Variants in BANK1 observed in about 807,000 individuals in gnomAD.
The protein encoded by BANK1 is B-cell scaffold protein with ankyrin repeats.
In BANK1, 95 loss-of-function variants were observed where a neutral mutation model predicts 94.5. The ratio of observed to expected loss-of-function variants is 1.00; its 90% CI spans 0.85 to 1.19. BANK1 has a LOEUF of 1.19. Among genes scored for constraint, BANK1 ranks in the 50% most tolerant of loss-of-function variants. The pLI, the probability that BANK1 is intolerant of heterozygous loss-of-function variation, is 0.00. For synonymous variants in BANK1, 334 were observed against 308.4 expected, an observed-to-expected ratio of 1.08 and a Z score of -0.87; for missense variants, 987 against 932.2, an observed-to-expected ratio of 1.06 and a Z score of -0.77.
chr4:101,946,061 A>G (rs1014446467), intron 7 of BANK1, among the ~76,000 whole-genome samples: 3 of 152,038 alleles, frequency 2.0e-5, no homozygotes, highest in Admixed American at 6.6e-5. Flanking sequence ...ACGAATAAGA[A>G]TAAGTAAACT....
rs569431493 is a variant in BANK1 at position 101,800,683 on chromosome 4, A to T, written c.70+9733A>T. On this transcript the variant is annotated intron_variant, in intron 1 of 16. Coordinates refer to ENST00000322953, the MANE Select transcript of BANK1 (RefSeq NM_017935.5). ...ACTGACTATTGCTAGATAAAAACAC[A>T]TTCAAACAGGTTGGTAATATAAATT... Among the ~76,000 whole-genome samples, 70 of 152,350 alleles carry T rather than the reference A, an allele frequency of 4.6e-4. 1 individual carries two copies. The highest frequency in any genetic ancestry group is 1.7e-3 in the African/African-American group (69 of 41,590).
intron 7 of BANK1, among the ~76,000 whole-genome samples, chr4:101,976,405 T>A (rs912942717): frequency 2.6e-5 from 4 of 152,096 alleles, no homozygotes; most frequent in South Asian, 2.1e-4. Flanking sequence ...ACAAAAATAA[T>A]ACACAAAAAG....
chr4:101,868,447 A>G (rs554829623), intron 4 of BANK1, among the ~76,000 whole-genome samples: 52 of 152,110 alleles, frequency 3.4e-4, no homozygotes, highest in African/African-American at 1.1e-3. Context: ...TATGCACTTA[A>G]CAACAGAGTG....
Position 101,847,756 on chromosome 4 carries a change from C to CAT in BANK1, c.470-7278_470-7277insTA, listed in dbSNP as rs1385964583. Among the ~76,000 whole-genome samples the CAT allele has an allele frequency of 1.5e-4, 22 of 151,708 alleles. No homozygotes were observed. The South Asian group carries it at 1.7e-3, about 11-fold the overall frequency. ...CATCATACACACACACACACACACACACACACACACACACACACATATGTC... is the reference window on the plus strand; with the variant it reads ...CATCATACACACACACACACACACACATACACACACACACACACACATATGTC... On this transcript the variant is annotated intron_variant, in intron 2 of 16. Transcript: ENST00000322953.
rs192520565 is a variant in BANK1, at chr4:101,835,059, C to A, written c.469+4853C>A. On this transcript the variant is annotated intron_variant, in intron 2 of 16. Transcript: ENST00000322953. Reference sequence around the variant, plus strand: ...TAACACAAATCCAGCTGTATTTACTCTTTTCTGTGTGTTTTATAATCGTTT... The same window carrying A: ...TAACACAAATCCAGCTGTATTTACTATTTTCTGTGTGTTTTATAATCGTTT... 7.8e-4 allele frequency among the ~76,000 whole-genome samples: 119 copies of A among 152,266 alleles called. No individual in the cohort carries two copies. The East Asian group carries it at 9.3e-3, about 12-fold the overall frequency.
intron 11 of BANK1, among the ~76,000 whole-genome samples, chr4:102,056,875 G>A (rs941469005): frequency 2.0e-5 from 3 of 151,944 alleles, no homozygotes; most frequent in Non-Finnish European, 2.9e-5. Flanking sequence ...TTATGGTGGC[G>A]CACGCCTGTA....
chr4:102,064,546 CATATT>C (rs1310287880), intron 13 of BANK1, among the ~76,000 whole-genome samples: 1 of 152,082 alleles, frequency 6.6e-6, no homozygotes, highest in African/African-American at 2.4e-5. Context: ...TTAAAGGACA[CATATT>C]AAGTGAGAAG....
intron 5 of BANK1, among the ~76,000 whole-genome samples, chr4:101,891,772 G>A (rs1253417466): frequency 6.6e-6 from 1 of 151,994 alleles, no homozygotes; most frequent in Non-Finnish European, 1.5e-5. Context: ...TCACTGTTAA[G>A]CCTACCCAGT....
At chr4:102,044,745 C>T (rs1382636383) in intron 11 of BANK1, among the ~76,000 whole-genome samples, 1 of 80,176 alleles carries the variant, frequency 1.2e-5, no homozygotes, top group Non-Finnish European at 2.5e-5. Context: ...GAGATGGTAT[C>T]TCATTGTGGT....
At chr4:101,926,452 C>T (rs1248565410) in intron 7 of BANK1, among the ~76,000 whole-genome samples, 2 of 151,752 alleles carry the variant, frequency 1.3e-5, no homozygotes, top group African/African-American at 2.4e-5. Context: ...AATCAACTCT[C>T]GCTTAAGCCA....
intron 11 of BANK1, among the ~76,000 whole-genome samples, chr4:102,059,362 C>T (rs1728338289): frequency 6.6e-6 from 1 of 152,168 alleles, no homozygotes; most frequent in African/African-American, 2.4e-5. Flanking sequence ...GTATGTTGCA[C>T]TTAATGGAAA....
At chr4:101,995,253 T>C (rs886381648) in intron 7 of BANK1, among the ~76,000 whole-genome samples, 9 of 152,206 alleles carry the variant, frequency 5.9e-5, no homozygotes. Context: ...ACTTCACCTA[T>C]GTCCCTGCAA....
intron 7 of BANK1, among the ~76,000 whole-genome samples, chr4:101,962,104 A>G (rs1456235444): frequency 6.6e-6 from 1 of 152,154 alleles, no homozygotes; most frequent in African/African-American, 2.4e-5. Flanking sequence ...CTCCTTTGTA[A>G]TCTGTCTTTT....
chr4:101,852,614 A>G (rs1336880371), intron 2 of BANK1, among the ~76,000 whole-genome samples: 1 of 150,708 alleles, frequency 6.6e-6, no homozygotes, highest in Admixed American at 6.6e-5. Context: ...AGCCTACTAA[A>G]TTGACAGTTT....
chr4:101,961,831 A>G (rs186613844), intron 7 of BANK1, among the ~76,000 whole-genome samples: 9 of 152,198 alleles, frequency 5.9e-5, no homozygotes, highest in Non-Finnish European at 8.8e-5. Context: ...ACTCTGTCCA[A>G]TGGGGTCCCT....
intron 7 of BANK1, among the ~76,000 whole-genome samples, chr4:101,984,005 T>C (rs1054261229): frequency 2.0e-5 from 3 of 152,006 alleles, no homozygotes; most frequent in African/African-American, 7.2e-5. Context: ...ATCACAATGT[T>C]TACATAGATA....
At chr4:101,871,192 T>C (rs1728274595) in intron 5 of BANK1, among the ~76,000 whole-genome samples, 2 of 152,126 alleles carry the variant, frequency 1.3e-5, no homozygotes, top group Admixed American at 1.3e-4. Flanking sequence ...TTTGTGATGT[T>C]TATTGGGAAT....
chr4:101,830,046 G>C lies in BANK1; in HGVS notation c.309G>C (p.Lys103Asn). Residue 103 changes from lysine to asparagine, a missense_variant, in exon 2 of 17, where the codon AAG becomes AAC. By Grantham distance (94) the Lys-to-Asn change is moderately conservative. Transcript: ENST00000322953. ...CAAAGAAATGTCAGTTTCTGGAAAA[G>C]ATACTTCATTCACCAAAAAGTGTAG... ...LTPKKCQFLE[K>N]ILHSPKSVVT... 6.2e-7 allele frequency: 1 copy of C among 1,613,810 alleles called. No homozygotes were observed. The highest frequency in any genetic ancestry group is 8.5e-7 in the Non-Finnish European group (1 of 1,179,868).
At chr4:101,809,355 G>A (rs115467166) in intron 1 of BANK1, among the ~76,000 whole-genome samples, 249 of 152,096 alleles carry the variant, frequency 1.6e-3, no homozygotes, top group African/African-American at 5.6e-3. Context: ...CAGAAGGGTT[G>A]GAGGGGGATG....
Sources: gnomAD v4.1 joint callset for allele counts (sites outside exome capture counted in the v4.1 genomes callset) on GRCh38, gnomAD v4.1.1 for gene constraint, MANE v1.5 for transcripts, NCBI Gene and HGNC (gene_info 2026-07-23, HGNC 2026-07-21) for gene names.